The following PTPN11 variants were observed in gnomAD, a reference collection of about 807,000 sequenced individuals.
The protein encoded by PTPN11 is tyrosine-protein phosphatase non-receptor type 11.
Under a neutral mutation model 78.8 loss-of-function variants are expected in PTPN11, and 6 were observed. The ratio of observed to expected loss-of-function variants is 0.08; its 90% confidence interval spans 0.04 to 0.15. The LOEUF is 0.15. Ranked by LOEUF, PTPN11 falls within the 10% of genes least tolerant of loss-of-function variation. PTPN11 has a pLI of 1.00. For synonymous variants in PTPN11, 221 were observed against 263.5 expected (o/e 0.84, Z 1.56); for missense variants, 386 against 744.8 (o/e 0.52, Z 5.61).
At chr12:112,467,442 C>G (rs1331312577) in intron 6 of PTPN11, among the ~76,000 whole-genome samples, 1 of 152,110 alleles carries the variant, frequency 6.6e-6, no homozygotes, top group Non-Finnish European at 1.5e-5. Context: ...GGAGGGCAGA[C>G]GATCACATGG....
At chr12:112,479,267 A>G (rs2135903583) in intron 9 of PTPN11, among the ~76,000 whole-genome samples, 1 of 152,222 alleles carries the variant, frequency 6.6e-6, no homozygotes. Flanking sequence ...TTTTTTTTAA[A>G]TATGGAAAAG....
chr12:112,442,200 G>A (rs1342405693), intron 1 of PTPN11, among the ~76,000 whole-genome samples: 1 of 152,126 alleles, frequency 6.6e-6, no homozygotes, highest in Non-Finnish European at 1.5e-5. Flanking sequence ...ATTTAAATAA[G>A]AGTTGCAAAA....
At chr12:112,447,175 G>A (rs544594779) in intron 2 of PTPN11, among the ~76,000 whole-genome samples, 1 of 151,848 alleles carries the variant, frequency 6.6e-6, no homozygotes, top group South Asian at 2.1e-4. Flanking sequence ...AGACTTTGTT[G>A]ACTTCTTAAT....
intron 6 of PTPN11, among the ~76,000 whole-genome samples, 180 bp from the exon 7 acceptor site, chr12:112,472,764 G>C (rs1300119247): frequency 6.6e-6 from 1 of 152,144 alleles, no homozygotes; most frequent in East Asian, 1.9e-4. Flanking sequence ...GCCTCCCAAA[G>C]TGTGGGGATT....
intron 6 of PTPN11, among the ~76,000 whole-genome samples, chr12:112,472,106 G>A (rs891999427): frequency 6.6e-6 from 1 of 151,958 alleles, no homozygotes; most frequent in African/African-American, 2.4e-5. Context: ...TTATAGGCGT[G>A]AGCCATTGCA....
chr12:112,463,699 G>A (rs2038283639), intron 6 of PTPN11, among the ~76,000 whole-genome samples: 1 of 152,100 alleles, frequency 6.6e-6, no homozygotes, highest in African/African-American at 2.4e-5. Flanking sequence ...AAGAGGAAGT[G>A]GAAAATAACG....
chr12:112,465,317 C>A (rs1324267667), intron 6 of PTPN11, among the ~76,000 whole-genome samples: 3 of 151,774 alleles, frequency 2.0e-5, no homozygotes, highest in Non-Finnish European at 4.4e-5. Flanking sequence ...GCCTGTAATA[C>A]CAGCTACTAG....
rs148214606 is a variant in PTPN11 at position 112,420,544 on chromosome 12, A to G, written c.14+1419A>G. 3.2e-3 allele frequency among the ~76,000 whole-genome samples: 482 copies of G among 152,136 alleles called. 1 individual carries two copies. Among genetic ancestry groups the G allele is most frequent in the Non-Finnish European group, 4.3e-3 (292 of 68,006 alleles). On this transcript the variant is annotated intron_variant, in intron 1 of 15. Coordinates refer to ENST00000351677, the MANE Select transcript of PTPN11 (RefSeq NM_002834.5). ...TTTTTAGTAGAGACAGGGTTTCACT[A>G]TGTTGGCCAGGCTGGTCTCAAACTC...
chr12:112,461,904 A>G (rs1267820465), intron 6 of PTPN11, among the ~76,000 whole-genome samples: 8 of 152,204 alleles, frequency 5.3e-5, no homozygotes, highest in African/African-American at 1.7e-4. Context: ...TCTAATGCCA[A>G]AAATCCTACT....
At chr12:112,435,246 C>A (rs1250567384) in intron 1 of PTPN11, among the ~76,000 whole-genome samples, 3 of 152,128 alleles carry the variant, frequency 2.0e-5, no homozygotes, top group Admixed American at 6.6e-5. Flanking sequence ...TCTTGAACTC[C>A]TGGTCTCAAG....
At position 112,419,086 on chromosome 12, in the gene PTPN11, T is replaced by C. The variant is rs2037473263; in HGVS notation, c.-26T>C. 6.5e-7 allele frequency: 1 copy of C among 1,532,922 alleles called. No individual in the cohort carries two copies. The allele number at this position is 1,532,922 out of a possible 1,614,324, so 95.0% of individuals were successfully genotyped here. ...GGAGCCTGAGCAAGGAGCGGGTCCG[T>C]CGCGGAGCCGGAGGGCGGGAGGAAC... On this transcript the variant is annotated 5_prime_UTR_variant, in exon 1 of 16. Transcript: ENST00000351677.
chr12:112,463,076 TAGTG>T (rs895747550), intron 6 of PTPN11, among the ~76,000 whole-genome samples: 3 of 152,176 alleles, frequency 2.0e-5, no homozygotes, highest in Non-Finnish European at 2.9e-5. Flanking sequence ...ATGTAAAAAA[TAGTG>T]AGCTATTTTG....
chr12:112,488,684 T>C (rs1008473232), intron 12 of PTPN11, among the ~76,000 whole-genome samples, 174 bp downstream of exon 12: 16 of 152,226 alleles, frequency 1.1e-4, no homozygotes, highest in Admixed American at 1.0e-3. Flanking sequence ...ATTTGAGCTT[T>C]TGGCATAAAA....
At chr12:112,472,830 CA>C (rs760367848) in intron 6 of PTPN11, 113 bp from the exon 7 acceptor site, 8 of 905,266 alleles carry the variant, frequency 8.8e-6, no homozygotes, top group Non-Finnish European at 1.3e-5. Flanking sequence ...CTATCGCACA[CA>C]ATTCTGAACA....
chr12:112,461,966 A>C (rs1160583176), intron 6 of PTPN11, among the ~76,000 whole-genome samples: 1 of 152,208 alleles, frequency 6.6e-6, no homozygotes, highest in Non-Finnish European at 1.5e-5. Context: ...ATTACACACA[A>C]CAATCTTAGA....
intron 6 of PTPN11, among the ~76,000 whole-genome samples, chr12:112,458,402 G>A (rs973350387): frequency 3.3e-5 from 5 of 152,280 alleles, no homozygotes; most frequent in African/African-American, 1.2e-4. Flanking sequence ...TAGATATGGG[G>A]TCTCACTGTG....
At chr12:112,424,962 G>C (rs898414327) in intron 1 of PTPN11, among the ~76,000 whole-genome samples, 1 of 99,664 alleles carries the variant, frequency 1.0e-5, no homozygotes, top group Admixed American at 9.7e-5. Context: ...CTAATTGTGT[G>C]TGTGTGTGTG....
rs1404148005 is a variant in PTPN11 at position 112,482,428 on chromosome 12, A to G, written c.1224+223A>G. ...TCCTGCCCTCATCGAGCCTAGGGAGATAGACAATTTAAAAACAAATAACTG... is the reference window on the plus strand; with the variant it reads ...TCCTGCCCTCATCGAGCCTAGGGAGGTAGACAATTTAAAAACAAATAACTG... On this transcript the variant is annotated intron_variant, in intron 10 of 15. Coordinates refer to ENST00000351677, the MANE Select transcript of PTPN11 (RefSeq NM_002834.5). This position sits in a 1 kb window ranked among gnomAD's most constrained non-coding sequence, Gnocchi z 4.4. Among the ~76,000 whole-genome samples, 1 of 152,148 alleles carries G rather than the reference A, an allele frequency of 6.6e-6. No individual in the cohort carries two copies. Among genetic ancestry groups the G allele is most frequent in the Non-Finnish European group, 1.5e-5 (1 of 68,044 alleles).
At chr12:112,488,675 T>G (rs1180748448) in intron 12 of PTPN11, among the ~76,000 whole-genome samples, 165 bp downstream of exon 12, 1 of 152,230 alleles carries the variant, frequency 6.6e-6, no homozygotes, top group Non-Finnish European at 1.5e-5. Context: ...AGTGACACTA[T>G]TTGAGCTTTT....
Sources: gnomAD v4.1 joint callset for allele counts (sites outside exome capture counted in the v4.1 genomes callset) on GRCh38, gnomAD v4.1.1 for gene constraint, Gnocchi (gnomAD v3.1) non-coding constraint, MANE v1.5 for transcripts, NCBI Gene and HGNC (gene_info 2026-07-23, HGNC 2026-07-21) for gene names.